TMEM237: variants seen among roughly 807,000 people sequenced by gnomAD.
TMEM237 encodes the protein transmembrane protein 237.
Under a neutral mutation model 59.1 loss-of-function variants are expected in TMEM237, and 51 were observed. That is an observed-to-expected ratio of 0.86 (90% CI 0.69 to 1.09). The LOEUF is 1.09. Among genes scored for constraint, TMEM237 ranks in the 50% least tolerant of loss-of-function variants. The pLI is 0.00. For missense variants in TMEM237, 475 were observed against 478.3 expected (o/e 0.99, Z 0.06); for synonymous variants, 140 against 166.1 (o/e 0.84, Z 1.21).
chr2:201,626,023 T>C lies in TMEM237; in HGVS notation c.1159+3A>G, dbSNP rs754717992. 1 of 1,571,198 alleles carries C rather than the reference T, an allele frequency of 6.4e-7. No homozygotes were observed. The highest frequency in any genetic ancestry group is 1.2e-5 in the South Asian group (1 of 85,356). ...TTCTTATGCTATTTTTTTTCTTTAA[T>C]ACCTTCACTAAGATCCATGCCTGGC... On this transcript the variant is annotated splice_donor_region_variant and intron_variant, in intron 12 of 12. Transcript: ENST00000409883.
In TMEM237 at chr2:201,643,280, C is replaced by CCCA; in HGVS notation, c.42+78_42+79insTGG. ...TGATTCCCAGCTCGTTGGCGCCCCC[C>CCCA]CACACACACCCACCCCCACTGCCAA... On this transcript the variant is annotated intron_variant, in intron 1 of 12. Transcript: ENST00000409883. This position sits in a 1 kb window ranked among gnomAD's most constrained non-coding sequence, Gnocchi z 4.3. 1 of 1,334,876 alleles carries CCCA rather than the reference C, an allele frequency of 7.5e-7. No homozygotes were observed. The highest frequency in any genetic ancestry group is 1.0e-6 in the Non-Finnish European group (1 of 958,262). 82.7% of individuals were successfully genotyped at this position (1,334,876 alleles called of 1,614,324 possible). A position where few individuals can be genotyped will look rare whatever the true frequency, so the allele number is the denominator to read the frequency against.
chr2:201,637,211 T>C (rs944182084), intron 4 of TMEM237, among the ~76,000 whole-genome samples: 1 of 152,212 alleles, frequency 6.6e-6, no homozygotes, highest in African/African-American at 2.4e-5. Flanking sequence ...ACTGATACCA[T>C]AGAGAATTCT....
intron 7 of TMEM237, among the ~76,000 whole-genome samples, chr2:201,631,702 G>A (rs2105900020): frequency 6.6e-6 from 1 of 152,142 alleles, no homozygotes; most frequent in South Asian, 2.1e-4. Flanking sequence ...CAAGTCTTTT[G>A]TCCTATGCAT....
At chr2:201,633,473 TAAAA>T in intron 5 of TMEM237, 42 bp from the exon 6 acceptor site, 1 of 1,448,856 alleles carries the variant, frequency 6.9e-7, no homozygotes, top group Non-Finnish European at 9.1e-7. Flanking sequence ...AACTAAAACA[TAAAA>T]AGAAAAGTAA....
At chr2:201,629,981 T>C in intron 7 of TMEM237, 129 bp from the exon 8 acceptor site, 1 of 1,203,074 alleles carries the variant, frequency 8.3e-7, no homozygotes, top group Non-Finnish European at 1.1e-6. Context: ...CTGAAAATTC[T>C]CCTTGACTCA....
Position 201,632,227 on chromosome 2 carries a change from T to C in TMEM237, c.396-19A>G, listed in dbSNP as rs145533995. ...GGTTTTCCTGTAATAAGGACGTATG[T>C]ATGAAAAATAGATGATTATTGAATT... On this transcript the variant is annotated intron_variant, in intron 6 of 12. Transcript: ENST00000409883. 3 of 1,610,754 alleles carry C rather than the reference T, an allele frequency of 1.9e-6. No individual in the cohort carries two copies. The highest frequency in any genetic ancestry group is 1.3e-5 in the African/African-American group (1 of 74,958).
At chr2:201,639,077 G>T in intron 3 of TMEM237, 32 bp from the exon 4 acceptor site, 2 of 1,549,806 alleles carry the variant, frequency 1.3e-6, no homozygotes, top group Non-Finnish European at 1.7e-6. Flanking sequence ...CAACAGAAAA[G>T]GGTGCCTAAA....
chr2:201,625,328 C>CTCTG (rs1336734642), intron 12 of TMEM237, among the ~76,000 whole-genome samples: 1 of 151,650 alleles, frequency 6.6e-6, no homozygotes, highest in Non-Finnish European at 1.5e-5. Flanking sequence ...AGCCACTGTA[C>CTCTG]TCTGACCTGG....
intron 6 of TMEM237, among the ~76,000 whole-genome samples, chr2:201,633,078 T>C (rs1440988791): frequency 6.6e-6 from 1 of 152,214 alleles, no homozygotes; most frequent in Non-Finnish European, 1.5e-5. Context: ...TAGAGATGGC[T>C]CTTAAGTTTT....
At position 201,643,268 on chromosome 2, in the gene TMEM237, G is replaced by A; in HGVS notation, c.42+91C>T. 8.9e-6 allele frequency: 11 copies of A among 1,234,100 alleles called. No homozygotes were observed. The highest frequency in any genetic ancestry group is 1.3e-5 in the Non-Finnish European group (11 of 870,014). 76.4% of individuals were successfully genotyped at this position (1,234,100 alleles called of 1,614,324 possible). A position where few individuals can be genotyped will look rare whatever the true frequency, so the allele number is the denominator to read the frequency against. Reference sequence around the variant, plus strand: ...GCCCTCCCTTAGTGATTCCCAGCTCGTTGGCGCCCCCCCACACACACCCAC... The same window carrying A: ...GCCCTCCCTTAGTGATTCCCAGCTCATTGGCGCCCCCCCACACACACCCAC... On this transcript the variant is annotated intron_variant, in intron 1 of 12. Transcript: ENST00000409883. The surrounding 1 kb of genome is among the most constrained non-coding windows in gnomAD (Gnocchi z 4.3).
rs1228471549 is a variant in TMEM237, at chr2:201,620,384, A to G, written c.*3871T>C. ...TTATATCCCCATACACATATCCTAA[A>G]GGCAGAGTTAACTGCTATATCCAAG... On this transcript the variant is annotated 3_prime_UTR_variant, in exon 13 of 13. Coordinates refer to ENST00000409883, the MANE Select transcript of TMEM237 (RefSeq NM_001044385.3). 4 of 152,148 alleles carry G rather than the reference A, an allele frequency of 2.6e-5. No individual in the cohort carries two copies. The highest frequency in any genetic ancestry group is 5.9e-5 in the Non-Finnish European group (4 of 68,024). 9.4% of individuals were successfully genotyped at this position (152,148 alleles called of 1,614,324 possible).
In TMEM237 at chr2:201,626,008, A is replaced by AT. The variant is rs766664373; in HGVS notation, c.1159+17dup. The AT allele has an allele frequency of 9.0e-6, 14 of 1,556,668 alleles. No individual in the cohort carries two copies. The highest frequency in any genetic ancestry group is 3.6e-5 in the South Asian group (3 of 84,136). ...GAAGATTTCAGGATATTCTTATGCT[A>AT]TTTTTTTTCTTTAATACCTTCACTA... On this transcript the variant is annotated intron_variant, in intron 12 of 12. Transcript: ENST00000409883.
intron 1 of TMEM237, chr2:201,642,655 C>G (rs748672653): frequency 1.9e-6 from 3 of 1,607,872 alleles, no homozygotes; most frequent in Non-Finnish European, 2.5e-6. Flanking sequence ...CGGCGGCCGC[C>G]GGCCCCCAAG....
At chr2:201,637,130 C>G (rs1687311186) in intron 4 of TMEM237, among the ~76,000 whole-genome samples, 1 of 152,084 alleles carries the variant, frequency 6.6e-6, no homozygotes, top group Non-Finnish European at 1.5e-5. Flanking sequence ...AAAAGAAGAG[C>G]AAAAGACAGG....
At chr2:201,633,717 G>T (rs1687229407) in intron 5 of TMEM237, among the ~76,000 whole-genome samples, 2 of 152,140 alleles carry the variant, frequency 1.3e-5, no homozygotes, top group African/African-American at 4.8e-5. Context: ...TTCTAGAAGG[G>T]CTCACAGGAC....
intron 1 of TMEM237, among the ~76,000 whole-genome samples, chr2:201,641,276 G>A (rs1687411920): frequency 6.6e-6 from 1 of 152,178 alleles, no homozygotes; most frequent in South Asian, 2.1e-4. Context: ...ATAGGAGTGA[G>A]CCACTACGCC....
chr2:201,632,077 A>G lies in TMEM237; in HGVS notation c.527T>C (p.Val176Ala). The G allele has an allele frequency of 6.2e-7, 1 of 1,613,878 alleles. No homozygotes were observed. The highest frequency in any genetic ancestry group is 8.5e-7 in the Non-Finnish European group (1 of 1,179,810). ...GCTTTTTTCCACAAATACTTTGCCTACAGGCTGGCTAATGCCAGTGGGTGC... is the reference window on the plus strand; with the variant it reads ...GCTTTTTTCCACAAATACTTTGCCTGCAGGCTGGCTAATGCCAGTGGGTGC... Reference protein sequence around the residue: ...FTAPTGISQPVGKVFVEKSRR... With the variant: ...FTAPTGISQPAGKVFVEKSRR... The change falls in exon 7 of 13, where the codon GTA becomes GCA. Residue 176 changes from valine (V) to alanine (A), a missense_variant. Physicochemically the swap from Val to Ala is moderately conservative, Grantham distance 64. Transcript: ENST00000409883.
intron 10 of TMEM237, 43 bp from the exon 11 acceptor site, chr2:201,627,457 C>A: frequency 1.5e-6 from 2 of 1,314,916 alleles, no homozygotes; most frequent in South Asian, 1.3e-5. Context: ...TTTTAACAAC[C>A]TGGTTTATTT....
rs369731590 is a variant in TMEM237, at chr2:201,627,152, G to C, written c.1037+169C>G. 1.9e-3 allele frequency among the ~76,000 whole-genome samples: 291 copies of C among 151,744 alleles called. 1 individual carries two copies. Among genetic ancestry groups the C allele is most frequent in the African/African-American group, 6.5e-3 (270 of 41,426 alleles). On this transcript the variant is annotated intron_variant, in intron 11 of 12. Transcript: ENST00000409883. The stretch of plus-strand genomic sequence containing the variant: ...AGGAAGATATTTCATTAAAAATGCA[G>C]GTGGACATAACAATAGTTACCCATT...
Sources: allele counts gnomAD v4.1 joint callset (sites outside exome capture counted in the v4.1 genomes callset), GRCh38; gene constraint gnomAD v4.1.1; non-coding constraint Gnocchi (gnomAD v3.1); transcripts MANE v1.5; gene names NCBI Gene and HGNC (gene_info 2026-07-23, HGNC 2026-07-21).